Variants in LPP observed in about 807,000 individuals in gnomAD.
LPP encodes the protein LIM domain containing preferred translocation partner in lipoma, also known as lipoma-preferred partner.
In LPP, 38 loss-of-function variants were observed where a neutral mutation model predicts 60.4. That is an observed-to-expected ratio of 0.63 (90% CI 0.49 to 0.83). LPP has a LOEUF of 0.83. LPP is among the 40% of genes least tolerant of loss of function. The pLI is 0.00. For synonymous variants in LPP, 328 were observed against 290.8 expected, an observed-to-expected ratio of 1.13 and a Z score of -1.30; for missense variants, 902 against 783.6, an observed-to-expected ratio of 1.15 and a Z score of -1.80.
chr3:188,316,592 G>A (rs1282024150), intron 2 of LPP, among the ~76,000 whole-genome samples: 1 of 152,158 alleles, frequency 6.6e-6, no homozygotes, highest in African/African-American at 2.4e-5. Context: ...CCAAGTCCAG[G>A]ATAGAAATGA....
intron 5 of LPP, among the ~76,000 whole-genome samples, chr3:188,511,440 A>T (rs1208257183): frequency 6.6e-6 from 1 of 151,664 alleles, no homozygotes; most frequent in Non-Finnish European, 1.5e-5. Flanking sequence ...AGTAGATGGC[A>T]AAAAAGGGTA....
chr3:188,400,664 C>G (rs1782026084), intron 3 of LPP, among the ~76,000 whole-genome samples: 1 of 152,178 alleles, frequency 6.6e-6, no homozygotes, highest in Admixed American at 6.5e-5. Context: ...CAGTAGGCAT[C>G]TTGCTTAGAG....
At chr3:188,799,397 T>G (rs1746326955) in intron 9 of LPP, among the ~76,000 whole-genome samples, 2 of 152,222 alleles carry the variant, frequency 1.3e-5, no homozygotes, top group South Asian at 4.1e-4. Context: ...CTACTTTTCC[T>G]CAGAGATATT....
chr3:188,510,251 G>A (rs1815051256), intron 5 of LPP, among the ~76,000 whole-genome samples: 1 of 152,144 alleles, frequency 6.6e-6, no homozygotes, highest in Non-Finnish European at 1.5e-5. Context: ...CCTCCACCTA[G>A]CAAAGTAAAA....
intron 4 of LPP, among the ~76,000 whole-genome samples, chr3:188,417,934 C>G (rs1786759537): frequency 6.6e-6 from 1 of 152,108 alleles, no homozygotes; most frequent in African/African-American, 2.4e-5. Flanking sequence ...TGCTCTCTTA[C>G]TTGTTCACAC....
Position 188,182,781 on chromosome 3 carries a change from A to ATAC in LPP, c.-190+28529_-190+28530insTAC, listed in dbSNP as rs5855182. 1.0e-3 allele frequency among the ~76,000 whole-genome samples: 61 copies of ATAC among 60,118 alleles called. No individual in the cohort carries two copies. The highest frequency in any genetic ancestry group is 1.1e-3 in the East Asian group (2 of 1,804). 39.4% of individuals were successfully genotyped at this position (60,118 alleles called of 152,430 possible). On this transcript the variant is annotated intron_variant, in intron 1 of 11. Coordinates refer to ENST00000617246, the MANE Select transcript of LPP (RefSeq NM_001375462.1). This position sits in a 1 kb window ranked among gnomAD's most constrained non-coding sequence, Gnocchi z 4.4. ...ACATATATTATATATGTGCATATAT[A>ATAC]ATATATGTACATATACAATATATGC...
chr3:188,762,644 C>T (rs1560171950), intron 9 of LPP, among the ~76,000 whole-genome samples: 1 of 152,092 alleles, frequency 6.6e-6, no homozygotes, highest in East Asian at 1.9e-4. Flanking sequence ...CTGTAGGATG[C>T]CAGCCCCTTC....
chr3:188,861,135 T>C (rs561369906), intron 9 of LPP, among the ~76,000 whole-genome samples: 1 of 152,336 alleles, frequency 6.6e-6, no homozygotes, highest in South Asian at 2.1e-4. Flanking sequence ...TGTGCTTTTT[T>C]TGATAAATTG....
At chr3:188,687,607 TGA>T (rs1345031535) in intron 7 of LPP, among the ~76,000 whole-genome samples, 1 of 152,166 alleles carries the variant, frequency 6.6e-6, no homozygotes, top group African/African-American at 2.4e-5. Flanking sequence ...TGCGGAACTG[TGA>T]GTCAGTTAAA....
chr3:188,244,679 G>A (rs994510620), intron 2 of LPP, among the ~76,000 whole-genome samples: 4 of 152,142 alleles, frequency 2.6e-5, no homozygotes, highest in Non-Finnish European at 5.9e-5. Flanking sequence ...GTTTGTTGTA[G>A]AGGTGCCTTT....
At chr3:188,432,083 A>G (rs572476164) in intron 4 of LPP, among the ~76,000 whole-genome samples, 3 of 152,122 alleles carry the variant, frequency 2.0e-5, no homozygotes, top group Non-Finnish European at 2.9e-5. Flanking sequence ...GGTATCTGGT[A>G]TGTCATCTTC....
chr3:188,818,162 G>C (rs1305808879), intron 9 of LPP, among the ~76,000 whole-genome samples: 1 of 152,086 alleles, frequency 6.6e-6, no homozygotes, highest in Non-Finnish European at 1.5e-5. Context: ...AAAATGACTT[G>C]CTCAAGACAC....
chr3:188,754,134 A>T (rs1729345451), intron 8 of LPP, among the ~76,000 whole-genome samples: 1 of 152,296 alleles, frequency 6.6e-6, no homozygotes, highest in Non-Finnish European at 1.5e-5. Flanking sequence ...TGGATTCTAT[A>T]TTGTCTAAGG....
At position 188,237,672 on chromosome 3, in the gene LPP, T is replaced by C. The variant is rs540336452; in HGVS notation, c.-67+12145T>C. ...TATTTTGAAAGGAATCTTTTTTTTT[T>C]CCCTCTTTTCTGAGCAGTAGGTAAC... On this transcript the variant is annotated intron_variant, in intron 2 of 11. Coordinates refer to ENST00000617246, the MANE Select transcript of LPP (RefSeq NM_001375462.1). Among the ~76,000 whole-genome samples the C allele has an allele frequency of 2.0e-4, 30 of 152,096 alleles. 1 individual carries two copies. The East Asian group carries it at 2.3e-3, about 12-fold the overall frequency.
chr3:188,849,220 A>G (rs1577960726), intron 9 of LPP, among the ~76,000 whole-genome samples: 1 of 152,282 alleles, frequency 6.6e-6, no homozygotes, highest in East Asian at 1.9e-4. Context: ...CTCTGAGGAC[A>G]CATCATTTCA....
In LPP at chr3:188,890,485, G is replaced by C. The variant is rs1771128668; in HGVS notation, c.*16006G>C. ...GCAAGTGATTTAGGTATTTTCTTTT[G>C]TGTTTATGCATTATCTGACTATATT... On this transcript the variant is annotated 3_prime_UTR_variant, in exon 12 of 12. Transcript: ENST00000617246. 2.1e-5 allele frequency: 4 copies of C among 191,238 alleles called. No homozygotes were observed. The highest frequency in any genetic ancestry group is 3.3e-5 in the Non-Finnish European group (3 of 91,560). 11.8% of individuals were successfully genotyped at this position (191,238 alleles called of 1,614,324 possible). A position where few individuals can be genotyped will look rare whatever the true frequency, so the allele number is the denominator to read the frequency against.
chr3:188,387,964 T>A (rs1778764355), intron 3 of LPP, among the ~76,000 whole-genome samples: 1 of 151,836 alleles, frequency 6.6e-6, no homozygotes, highest in African/African-American at 2.4e-5. Flanking sequence ...TGTGAGTGAG[T>A]CAGCATCTCC....
At chr3:188,594,298 A>G (rs1034361383) in intron 6 of LPP, among the ~76,000 whole-genome samples, 1 of 152,188 alleles carries the variant, frequency 6.6e-6, no homozygotes, top group African/African-American at 2.4e-5. Context: ...ACAGACAAGA[A>G]TGTGCCTAAA....
chr3:188,840,512 T>C (rs1056992446), intron 9 of LPP, among the ~76,000 whole-genome samples: 2 of 152,278 alleles, frequency 1.3e-5, no homozygotes, highest in South Asian at 2.1e-4. Flanking sequence ...CTTTATTTAT[T>C]TATTTAGACA....
Sources: allele counts gnomAD v4.1 joint callset (sites outside exome capture counted in the v4.1 genomes callset), GRCh38; gene constraint gnomAD v4.1.1; non-coding constraint Gnocchi (gnomAD v3.1); transcripts MANE v1.5; gene names NCBI Gene and HGNC (gene_info 2026-07-23, HGNC 2026-07-21).